The following PUDP variants were observed in gnomAD, a reference collection of about 807,000 sequenced individuals.
The protein encoded by PUDP is pseudouridine 5'-phosphatase.
In PUDP, 8 loss-of-function variants were observed where a neutral mutation model predicts 9.4. That is an observed-to-expected ratio of 0.85 (90% CI 0.50 to 1.53). The LOEUF is 1.53. Among genes scored for constraint, PUDP ranks in the 40% most tolerant of loss-of-function variants. The probability of loss-of-function intolerance (pLI) is 0.00; values close to 1 mark genes in which losing one functional copy is unlikely to be tolerated. For missense variants in PUDP, 188 were observed against 189.7 expected (o/e 0.99, Z 0.05); for synonymous variants, 99 against 80.7 (o/e 1.23, Z -1.22).
intron 3 of PUDP, among the ~76,000 whole-genome samples, chrX:6,758,340 C>CATGG (rs1925192941): frequency 9.1e-6 from 1 of 110,226 alleles, no homozygotes; most frequent in Non-Finnish European, 1.9e-5. Flanking sequence ...GCATGCACCT[C>CATGG]TGGTCCCTGA....
chrX:6,946,157 G>A (rs913918445), intron 3 of PUDP, among the ~76,000 whole-genome samples: 9 of 111,475 alleles, frequency 8.1e-5, no homozygotes, highest in Non-Finnish European at 1.9e-5. Flanking sequence ...AATGTGCAAT[G>A]AGGGTGTTAG....
chrX:7,148,126 TG>T lies in PUDP; in HGVS notation c.-14del. 1 of 1,101,473 alleles carries T rather than the reference TG, an allele frequency of 9.1e-7. No homozygotes were observed. The highest frequency in any genetic ancestry group is 1.9e-5 in the African/African-American group (1 of 52,070). The allele number at this position is 1,101,473 out of a possible 1,213,427, so 90.8% of individuals were successfully genotyped here. On this transcript the variant is annotated 5_prime_UTR_variant, in exon 1 of 4. Transcript: ENST00000381077. ...GGGGCGCCGCCATGGTGGCGCCTTCTGGGTCTGGGTGGGGGCGAGGAGGAAG... is the reference window on the plus strand; with the variant it reads ...GGGGCGCCGCCATGGTGGCGCCTTCTGGTCTGGGTGGGGGCGAGGAGGAAG...
chrX:6,909,502 T>C (rs73627098), intron 3 of PUDP, among the ~76,000 whole-genome samples: 3,583 of 112,107 alleles, frequency 0.032, 140 homozygotes, highest in African/African-American at 0.11. Context: ...GGCTTGCAGG[T>C]TGAAGCTGTC....
At chrX:6,733,582 T>A (rs1352050139) in intron 3 of PUDP, among the ~76,000 whole-genome samples, 2 of 109,023 alleles carry the variant, frequency 1.8e-5, no homozygotes, top group Admixed American at 2.0e-4. Flanking sequence ...GTATTTGGTA[T>A]GGGGGAGGCT....
upstream of PUDP, among the ~76,000 whole-genome samples, chrX:6,723,741 T>C (rs774362865): frequency 9.0e-6 from 1 of 111,100 alleles, no homozygotes; most frequent in East Asian, 2.8e-4. Flanking sequence ...TTTGGAAAGA[T>C]AGATTCTCCA....
At chrX:7,030,504 A>T (rs1230845425) in intron 1 of PUDP, among the ~76,000 whole-genome samples, 1 of 111,711 alleles carries the variant, frequency 9.0e-6, no homozygotes, top group African/African-American at 3.3e-5. Context: ...ATAGCACCCC[A>T]CATCCCAGAC....
At chrX:7,027,801 T>C (rs188300897) in intron 1 of PUDP, among the ~76,000 whole-genome samples, 3 of 27,789 alleles carry the variant, frequency 1.1e-4, no homozygotes, top group African/African-American at 1.5e-4. Context: ...ATAGAATATA[T>C]TATTTTCTAT....
At chrX:6,939,365 TATATTA>T (rs1467072813) in intron 3 of PUDP, among the ~76,000 whole-genome samples, 2 of 106,834 alleles carry the variant, frequency 1.9e-5, no homozygotes, top group African/African-American at 6.7e-5. Context: ...TATTTAATGC[TATATTA>T]ATATTATTAA....
At chrX:6,812,903 G>A (rs1317068975) in intron 3 of PUDP, among the ~76,000 whole-genome samples, 1 of 111,712 alleles carries the variant, frequency 9.0e-6, no homozygotes, top group African/African-American at 3.3e-5. Context: ...AGACCTGCCT[G>A]GGCAACATAG....
At chrX:6,866,728 T>C (rs1223594878) in intron 3 of PUDP, among the ~76,000 whole-genome samples, 2 of 112,280 alleles carry the variant, frequency 1.8e-5, no homozygotes, top group Non-Finnish European at 3.8e-5. Flanking sequence ...CAGTCAATTC[T>C]TTTGACGACT....
chrX:7,108,204 C>T (rs914228089), intron 1 of PUDP, among the ~76,000 whole-genome samples: 4 of 112,830 alleles, frequency 3.5e-5, no homozygotes, highest in African/African-American at 9.7e-5. Flanking sequence ...CCTGCAGCAT[C>T]GGCTAGGGCT....
intron 3 of PUDP, among the ~76,000 whole-genome samples, chrX:6,802,859 T>G (rs1408632682): frequency 9.5e-6 from 1 of 104,801 alleles, no homozygotes; most frequent in Non-Finnish European, 1.9e-5. Flanking sequence ...CACTCCAGAC[T>G]GGGCAACAAG....
intron 3 of PUDP, among the ~76,000 whole-genome samples, chrX:6,778,120 G>C (rs1319999861): frequency 8.9e-6 from 1 of 111,807 alleles, no homozygotes; most frequent in Non-Finnish European, 1.9e-5. Context: ...AATGAGAAGG[G>C]GGCTGTGGAA....
chrX:6,971,744 C>A (rs748433211), intron 3 of PUDP, among the ~76,000 whole-genome samples: 2 of 111,645 alleles, frequency 1.8e-5, no homozygotes, highest in African/African-American at 3.3e-5. Flanking sequence ...TTTTCTAATT[C>A]TGTGAAGAAA....
At chrX:7,126,231 G>C (rs747396459) in intron 1 of PUDP, among the ~76,000 whole-genome samples, 19 of 111,181 alleles carry the variant, frequency 1.7e-4, no homozygotes, top group African/African-American at 6.2e-4. Flanking sequence ...GTGTGCTGGT[G>C]GGGGTGGAGG....
chrX:7,106,984 T>C (rs1931902537), intron 1 of PUDP, among the ~76,000 whole-genome samples: 1 of 111,886 alleles, frequency 8.9e-6, no homozygotes, highest in Non-Finnish European at 1.9e-5. Context: ...TCCCAAGGCC[T>C]GGGCAGAGTC....
At chrX:6,998,150 T>A (rs952989683) in intron 1 of PUDP, among the ~76,000 whole-genome samples, 2 of 111,490 alleles carry the variant, frequency 1.8e-5, no homozygotes, top group African/African-American at 6.5e-5. Flanking sequence ...TTTCTCAGGG[T>A]CCCTCTCTGG....
intron 3 of PUDP, among the ~76,000 whole-genome samples, chrX:6,827,681 G>A (rs977767525): frequency 1.6e-4 from 18 of 111,677 alleles, no homozygotes; most frequent in Non-Finnish European, 3.2e-4. Flanking sequence ...GCAAGGGATG[G>A]GAGCAAAGAA....
intron 2 of PUDP, among the ~76,000 whole-genome samples, chrX:7,095,060 A>G (rs1931534929): frequency 1.8e-5 from 2 of 111,693 alleles, no homozygotes; most frequent in Non-Finnish European, 3.8e-5. Context: ...TGGGTTATAT[A>G]TGGCCTTAAA....
Sources: allele counts gnomAD v4.1 joint callset (sites outside exome capture counted in the v4.1 genomes callset), GRCh38; gene constraint gnomAD v4.1.1; transcripts MANE v1.5; gene names NCBI Gene and HGNC (gene_info 2026-07-23, HGNC 2026-07-21).